Variants in RGS7 observed in about 807,000 individuals in gnomAD.
RGS7 encodes regulator of G-protein signaling 7.
Under a neutral mutation model 81.1 loss-of-function variants are expected in RGS7, and 27 were observed. That is an observed-to-expected ratio of 0.33 (90% CI 0.25 to 0.46). The LOEUF is 0.46. RGS7 is among the 20% of genes least tolerant of loss of function. The pLI, the probability that RGS7 is intolerant of heterozygous loss-of-function variation, is 1.00. For synonymous variants in RGS7, 208 were observed against 207.7 expected, an observed-to-expected ratio of 1.00 and a Z score of -0.01; for missense variants, 396 against 607.4, an observed-to-expected ratio of 0.65 and a Z score of 3.66.
At chr1:241,263,339 C>T (rs1236540799) in intron 2 of RGS7, among the ~76,000 whole-genome samples, 1 of 152,056 alleles carries the variant, frequency 6.6e-6, no homozygotes, top group Non-Finnish European at 1.5e-5. Flanking sequence ...GGGCACACTT[C>T]CTACAACTCC....
At chr1:241,248,362 AT>A (rs2076657708) in intron 2 of RGS7, among the ~76,000 whole-genome samples, 1 of 147,936 alleles carries the variant, frequency 6.8e-6, no homozygotes, top group Admixed American at 6.8e-5. Flanking sequence ...ACATATATAT[AT>A]ATACGTATAT....
At chr1:240,896,840 T>TG (rs1484772195) in intron 6 of RGS7, among the ~76,000 whole-genome samples, 1 of 152,228 alleles carries the variant, frequency 6.6e-6, no homozygotes, top group Non-Finnish European at 1.5e-5. Flanking sequence ...GGCAGCTTGA[T>TG]GGGGATAGCA....
intron 2 of RGS7, among the ~76,000 whole-genome samples, chr1:241,304,847 C>A (rs1359945090): frequency 6.6e-6 from 1 of 152,160 alleles, no homozygotes; most frequent in Non-Finnish European, 1.5e-5. Flanking sequence ...ATGTTAAAGA[C>A]CTACTTAACA....
intron 2 of RGS7, among the ~76,000 whole-genome samples, chr1:241,201,774 C>G (rs1313532805): frequency 6.6e-6 from 1 of 152,070 alleles, no homozygotes; most frequent in Non-Finnish European, 1.5e-5. Flanking sequence ...GAAACTTGGT[C>G]TAATTAAGGC....
chr1:241,046,671 T>A (rs2060947771), intron 3 of RGS7, among the ~76,000 whole-genome samples: 1 of 152,172 alleles, frequency 6.6e-6, no homozygotes, highest in Non-Finnish European at 1.5e-5. Context: ...GACTCTCTCA[T>A]GGGCAGGAAA....
chr1:241,326,311 T>C (rs1346008577), intron 2 of RGS7, among the ~76,000 whole-genome samples: 2 of 152,172 alleles, frequency 1.3e-5, no homozygotes, highest in Non-Finnish European at 2.9e-5. Context: ...CTCAAGATCC[T>C]CCAGAAAGAA....
rs1049289405 is a variant in RGS7, at chr1:241,005,749, C to A, written c.176-22620G>T. On this transcript the variant is annotated intron_variant, in intron 3 of 18. Coordinates refer to ENST00000440928, the MANE Select transcript of RGS7 (RefSeq NM_001364886.1). Reference sequence around the variant, plus strand: ...TGGGGTTTCACTTACGTTGGCCAGGCTGGTCTCAAACTCCTGACCTCGTGA... The same window carrying A: ...TGGGGTTTCACTTACGTTGGCCAGGATGGTCTCAAACTCCTGACCTCGTGA... Among the ~76,000 whole-genome samples, 8 of 152,250 alleles carry A rather than the reference C, an allele frequency of 5.3e-5. No individual in the cohort carries two copies. The East Asian group carries it at 1.2e-3, about 22-fold the overall frequency.
At chr1:241,090,012 A>AAAC (rs2063775646) in intron 3 of RGS7, among the ~76,000 whole-genome samples, 1 of 132,344 alleles carries the variant, frequency 7.6e-6, no homozygotes, top group African/African-American at 2.8e-5. Context: ...AAAAAAAAAA[A>AAAC]GAGAGAGAGA....
At chr1:241,051,635 G>A (rs1265630644) in intron 3 of RGS7, among the ~76,000 whole-genome samples, 1 of 149,464 alleles carries the variant, frequency 6.7e-6, no homozygotes. Context: ...GATTCACACT[G>A]TTTAAATAAC....
chr1:240,784,013 TAAAAAAAAA>T (rs71172645), intron 18 of RGS7, among the ~76,000 whole-genome samples: 2 of 83,380 alleles, frequency 2.4e-5, no homozygotes, highest in Non-Finnish European at 4.5e-5. Flanking sequence ...CTGTCTCTAC[TAAAAAAAAA>T]AAAAAAAAAA....
At chr1:240,980,821 A>G (rs1479288699) in intron 4 of RGS7, among the ~76,000 whole-genome samples, 3 of 152,140 alleles carry the variant, frequency 2.0e-5, no homozygotes, top group Non-Finnish European at 4.4e-5. Context: ...AAACCAACAA[A>G]TCAGAAACTA....
At chr1:240,979,292 C>T (rs1684582293) in intron 4 of RGS7, among the ~76,000 whole-genome samples, 2 of 152,078 alleles carry the variant, frequency 1.3e-5, no homozygotes, top group South Asian at 4.1e-4. Context: ...CAATCATTTT[C>T]ATATATGTAA....
chr1:240,978,314 T>C (rs1024460496), intron 4 of RGS7, among the ~76,000 whole-genome samples: 7 of 152,264 alleles, frequency 4.6e-5, no homozygotes, highest in Non-Finnish European at 8.8e-5. Context: ...ATAGTATCTA[T>C]ATATACCTAA....
At chr1:241,075,929 T>TGTCA (rs1406684773) in intron 3 of RGS7, among the ~76,000 whole-genome samples, 2 of 152,234 alleles carry the variant, frequency 1.3e-5, no homozygotes, top group South Asian at 4.1e-4. Flanking sequence ...CTTTTTAAAC[T>TGTCA]GTCAGTACAA....
At chr1:240,993,780 GA>G (rs1686876033) in intron 3 of RGS7, among the ~76,000 whole-genome samples, 1 of 151,980 alleles carries the variant, frequency 6.6e-6, no homozygotes, top group African/African-American at 2.4e-5. Context: ...CCTAGACCAA[GA>G]TATCCAATAA....
intron 3 of RGS7, among the ~76,000 whole-genome samples, chr1:241,089,347 A>G: frequency 6.6e-6 from 1 of 151,618 alleles, no homozygotes; most frequent in South Asian, 2.1e-4. Context: ...ACCAAAAAAC[A>G]TACCATTTTG....
rs535380544 is a variant in RGS7, at chr1:241,175,896, C to T, written c.79-77134G>A. Among the ~76,000 whole-genome samples, 26 of 152,152 alleles carry T rather than the reference C, an allele frequency of 1.7e-4. No homozygotes were observed. The Middle Eastern group carries it at 0.01, about 60-fold the overall frequency. On this transcript the variant is annotated intron_variant, in intron 2 of 18. Transcript: ENST00000440928. ...CCATTTAGCTAAGAAGAATAGTGAA[C>T]GAATAAGAACAGCTAAACATTTAAA...
chr1:241,293,619 G>A (rs1014524805), intron 2 of RGS7, among the ~76,000 whole-genome samples: 3 of 152,118 alleles, frequency 2.0e-5, no homozygotes, highest in Non-Finnish European at 4.4e-5. Flanking sequence ...GCACAAAAAG[G>A]CTTATAGAAT....
At chr1:240,843,768 T>C (rs982527722) in intron 9 of RGS7, among the ~76,000 whole-genome samples, 3 of 152,240 alleles carry the variant, frequency 2.0e-5, no homozygotes, top group African/African-American at 7.2e-5. Flanking sequence ...AATTTAATTG[T>C]CTTTCTCAGG....
Sources: allele counts gnomAD v4.1 joint callset (sites outside exome capture counted in the v4.1 genomes callset), GRCh38; gene constraint gnomAD v4.1.1; transcripts MANE v1.5; gene names NCBI Gene and HGNC (gene_info 2026-07-23, HGNC 2026-07-21).